The following MAGI2 variants were observed in gnomAD, a reference collection of about 807,000 sequenced individuals.
The protein encoded by MAGI2 is membrane-associated guanylate kinase, WW and PDZ domain-containing protein 2.
Under a neutral mutation model 133.3 loss-of-function variants are expected in MAGI2, and 35 were observed. That is an observed-to-expected ratio of 0.26 (90% CI 0.20 to 0.35). MAGI2 has a LOEUF of 0.35. MAGI2 is among the 10% of genes least tolerant of loss of function. The pLI, the probability that MAGI2 is intolerant of heterozygous loss-of-function variation, is 1.00. For synonymous variants in MAGI2, 729 were observed against 710.6 expected, an observed-to-expected ratio of 1.03 and a Z score of -0.41; for missense variants, 1,636 against 1,863.4, an observed-to-expected ratio of 0.88 and a Z score of 2.25.
intron 9 of MAGI2, among the ~76,000 whole-genome samples, chr7:78,257,614 T>C (rs1252406724): frequency 6.6e-6 from 1 of 152,208 alleles, no homozygotes; most frequent in Admixed American, 6.5e-5. Flanking sequence ...CAGAAAATCA[T>C]GGCTGTTTGA....
intron 1 of MAGI2, among the ~76,000 whole-genome samples, chr7:79,406,525 A>C (rs560576388): frequency 6.6e-6 from 1 of 152,162 alleles, no homozygotes; most frequent in Non-Finnish European, 1.5e-5. Flanking sequence ...ACACATTTAG[A>C]AAAGAATCTC....
chr7:78,875,887 A>G (rs1306050094), intron 2 of MAGI2, among the ~76,000 whole-genome samples: 1 of 152,230 alleles, frequency 6.6e-6, no homozygotes, highest in Non-Finnish European at 1.5e-5. Flanking sequence ...AAAGAACTGA[A>G]AATTACAACA....
At chr7:78,625,952 T>A (rs1228492305) in intron 3 of MAGI2, among the ~76,000 whole-genome samples, 2 of 152,172 alleles carry the variant, frequency 1.3e-5, no homozygotes, top group Non-Finnish European at 2.9e-5. Context: ...ATTCACTCAA[T>A]GATGAAATAG....
At chr7:78,460,498 T>C (rs111699761) in intron 6 of MAGI2, among the ~76,000 whole-genome samples, 3,861 of 152,284 alleles carry the variant, frequency 0.025, 79 homozygotes, top group Middle Eastern at 0.071. Flanking sequence ...CAGAGATAGA[T>C]GATATACACA....
At chr7:78,766,187 A>C (rs1245315868) in intron 2 of MAGI2, among the ~76,000 whole-genome samples, 2 of 152,158 alleles carry the variant, frequency 1.3e-5, no homozygotes, top group African/African-American at 4.8e-5. Context: ...GCTTTTGTGG[A>C]AAGTGCTTGG....
chr7:79,349,841 A>G (rs1456599021), intron 1 of MAGI2, among the ~76,000 whole-genome samples: 3 of 152,054 alleles, frequency 2.0e-5, no homozygotes, highest in Non-Finnish European at 4.4e-5. Flanking sequence ...TCCTAATTCT[A>G]TCACTTACCC....
chr7:78,961,559 G>C (rs556850029), intron 2 of MAGI2, among the ~76,000 whole-genome samples: 4 of 152,194 alleles, frequency 2.6e-5, no homozygotes, highest in Non-Finnish European at 5.9e-5. Flanking sequence ...GGTTTATGTG[G>C]ATGTGCACAT....
At chr7:79,183,304 C>T (rs1396975590) in intron 1 of MAGI2, among the ~76,000 whole-genome samples, 1 of 151,658 alleles carries the variant, frequency 6.6e-6, no homozygotes, top group Non-Finnish European at 1.5e-5. Context: ...CGAAATTTCT[C>T]ATGGACCCCA....
In MAGI2 at chr7:78,974,778, C is replaced by T. The variant is rs1804095173; in HGVS notation, c.418+32312G>A. On this transcript the variant is annotated intron_variant, in intron 2 of 21. Coordinates refer to ENST00000354212, the MANE Select transcript of MAGI2 (RefSeq NM_012301.4). ...CAAGCATTCCCATGCCCAACAGTAT[C>T]CTAGACACTGTATGGCTTAAAAATA... Among the ~76,000 whole-genome samples, 4 of 151,884 alleles carry T rather than the reference C, an allele frequency of 2.6e-5. No individual in the cohort carries two copies. The South Asian group carries it at 6.2e-4, about 24-fold the overall frequency.
At chr7:79,069,021 G>T (rs753884785) in intron 1 of MAGI2, among the ~76,000 whole-genome samples, 30 of 151,544 alleles carry the variant, frequency 2.0e-4, no homozygotes, top group Admixed American at 6.6e-4. Context: ...CAATTACGTG[G>T]TCAATGTTAG....
At chr7:78,132,562 G>A (rs1821678062) in intron 18 of MAGI2, among the ~76,000 whole-genome samples, 1 of 152,228 alleles carries the variant, frequency 6.6e-6, no homozygotes, top group Admixed American at 6.5e-5. Flanking sequence ...CATACTGCAG[G>A]CTTGCGCCTG....
intron 20 of MAGI2, among the ~76,000 whole-genome samples, chr7:78,101,949 G>A (rs559775191): frequency 1.3e-5 from 2 of 152,048 alleles, no homozygotes; most frequent in African/African-American, 2.4e-5. Flanking sequence ...GCCAAGATAC[G>A]AAAACAACCT....
chr7:79,285,000 G>A (rs963959832), intron 1 of MAGI2, among the ~76,000 whole-genome samples: 1 of 151,844 alleles, frequency 6.6e-6, no homozygotes, highest in Admixed American at 6.6e-5. Context: ...AGATCTAACT[G>A]TGAATTGGAA....
At chr7:79,086,830 A>G (rs991431440) in intron 1 of MAGI2, among the ~76,000 whole-genome samples, 47 of 151,972 alleles carry the variant, frequency 3.1e-4, no homozygotes, top group African/African-American at 1.1e-3. Flanking sequence ...AAAAGATTCT[A>G]TTAGCAAGTT....
intron 1 of MAGI2, among the ~76,000 whole-genome samples, chr7:79,043,542 CAAA>C (rs58828466): frequency 2.5e-5 from 1 of 40,430 alleles, no homozygotes; most frequent in African/African-American, 8.6e-5. Flanking sequence ...GACTCCATCA[CAAA>C]AAAAAAAAAA....
intron 2 of MAGI2, among the ~76,000 whole-genome samples, chr7:78,959,682 G>A (rs867892968): frequency 3.9e-5 from 6 of 152,200 alleles, no homozygotes; most frequent in Middle Eastern, 6.8e-3. Context: ...TTGTGTCACC[G>A]TGTGGTTGAT....
At chr7:78,672,439 C>A (rs982395504) in intron 2 of MAGI2, among the ~76,000 whole-genome samples, 1 of 152,128 alleles carries the variant, frequency 6.6e-6, no homozygotes, top group African/African-American at 2.4e-5. Flanking sequence ...TATAAATTAG[C>A]CAGTTTCAGG....
At chr7:78,929,017 G>T (rs186107166) in intron 2 of MAGI2, among the ~76,000 whole-genome samples, 2 of 151,914 alleles carry the variant, frequency 1.3e-5, no homozygotes, top group Non-Finnish European at 2.9e-5. Flanking sequence ...AATGCTATAA[G>T]CTCTCTCAGA....
At chr7:78,675,671 G>T (rs1001632791) in intron 2 of MAGI2, among the ~76,000 whole-genome samples, 8 of 152,102 alleles carry the variant, frequency 5.3e-5, no homozygotes, top group African/African-American at 1.9e-4. Context: ...CCGCCACACA[G>T]ATGAGGTAAT....
Sources: gnomAD v4.1 joint callset for allele counts (sites outside exome capture counted in the v4.1 genomes callset) on GRCh38, gnomAD v4.1.1 for gene constraint, MANE v1.5 for transcripts, NCBI Gene and HGNC (gene_info 2026-07-23, HGNC 2026-07-21) for gene names.